CSMD3: variants seen among roughly 807,000 people sequenced by gnomAD.
CSMD3 encodes CUB and Sushi multiple domains 3.
Under a neutral mutation model 435.2 loss-of-function variants are expected in CSMD3, and 177 were observed. That is an observed-to-expected ratio of 0.41 (90% CI 0.36 to 0.46). The LOEUF is 0.46. Among genes scored for constraint, CSMD3 ranks in the 20% least tolerant of loss-of-function variants. The pLI, the probability that CSMD3 is intolerant of heterozygous loss-of-function variation, is 0.34. For synonymous variants in CSMD3, 1,656 were observed against 1,520.5 expected (o/e 1.09, Z -2.07); for missense variants, 4,265 against 4,504.6 (o/e 0.95, Z 1.52).
chr8:112,676,958 A>G (rs1425293642), intron 16 of CSMD3, among the ~76,000 whole-genome samples: 1 of 152,144 alleles, frequency 6.6e-6, no homozygotes, highest in East Asian at 1.9e-4. Flanking sequence ...CTGAGAATAT[A>G]TGTCAAAAAC....
chr8:112,393,034 T>C (rs1830574588), intron 35 of CSMD3, among the ~76,000 whole-genome samples: 1 of 151,836 alleles, frequency 6.6e-6, no homozygotes, highest in South Asian at 2.1e-4. Context: ...CCCAGCTAAT[T>C]TGTGTACAGA....
intron 32 of CSMD3, among the ~76,000 whole-genome samples, chr8:112,454,117 T>C (rs1816578266): frequency 1.3e-5 from 2 of 152,224 alleles, no homozygotes; most frequent in Non-Finnish European, 2.9e-5. Flanking sequence ...ATTAAAGATT[T>C]AAACGTAAGA....
chr8:112,579,890 C>A (rs559649091), intron 23 of CSMD3, among the ~76,000 whole-genome samples: 1 of 152,026 alleles, frequency 6.6e-6, no homozygotes, highest in Non-Finnish European at 1.5e-5. Flanking sequence ...ACTTTACTGG[C>A]TTTTCTCCAT....
chr8:112,939,743 G>C (rs148358925), intron 9 of CSMD3, among the ~76,000 whole-genome samples: 148 of 152,052 alleles, frequency 9.7e-4, no homozygotes, highest in African/African-American at 3.4e-3. Context: ...TCAGATTCTT[G>C]AAGAAAAAGT....
chr8:112,816,399 G>A (rs926651680), intron 12 of CSMD3, among the ~76,000 whole-genome samples: 1 of 151,930 alleles, frequency 6.6e-6, no homozygotes, highest in African/African-American at 2.4e-5. Context: ...ATAACACAAG[G>A]GGCTAAGAAT....
intron 13 of CSMD3, among the ~76,000 whole-genome samples, chr8:112,699,877 G>A (rs528252429): frequency 3.9e-5 from 6 of 152,262 alleles, no homozygotes; most frequent in Admixed American, 3.9e-4. Flanking sequence ...AACTCATCCA[G>A]ATTGAAGGAA....
intron 3 of CSMD3, among the ~76,000 whole-genome samples, chr8:113,199,840 G>A (rs2092699087): frequency 6.6e-6 from 1 of 151,718 alleles, no homozygotes; most frequent in South Asian, 2.1e-4. Context: ...CTTATTAAAG[G>A]TTAGGAAAAA....
In CSMD3 at chr8:112,306,001, A is replaced by T. The variant is rs778498471; in HGVS notation, c.8071+6T>A. The T allele has an allele frequency of 4.3e-6, 7 of 1,610,744 alleles. No homozygotes were observed. The highest frequency in any genetic ancestry group is 5.1e-6 in the Non-Finnish European group (6 of 1,177,014). On this transcript the variant is annotated splice_donor_region_variant and intron_variant, in intron 51 of 70. Transcript: ENST00000297405. The stretch of plus-strand genomic sequence containing the variant: ...ACAAGTGATGAAATTCCCTTGACAC[A>T]CATACCAACACAGCGAGGGGTCTTG...
intron 4 of CSMD3, among the ~76,000 whole-genome samples, chr8:113,150,070 T>C (rs1035698611): frequency 1.1e-4 from 16 of 151,936 alleles, no homozygotes; most frequent in African/African-American, 3.9e-4. Context: ...GTGGTGGCAC[T>C]GTAATAGGCA....
chr8:112,365,509 C>T (rs1313423391), intron 38 of CSMD3, among the ~76,000 whole-genome samples: 1 of 136,190 alleles, frequency 7.3e-6, no homozygotes. Flanking sequence ...TGGACTTCTA[C>T]CATCTTCTTA....
At chr8:112,922,214 T>A (rs2082765609) in intron 9 of CSMD3, among the ~76,000 whole-genome samples, 1 of 152,058 alleles carries the variant, frequency 6.6e-6, no homozygotes, top group South Asian at 2.1e-4. Flanking sequence ...AAGGTGTTTT[T>A]TTCTAAAAAT....
chr8:112,409,790 C>A (rs935669654), intron 32 of CSMD3, among the ~76,000 whole-genome samples: 1 of 151,716 alleles, frequency 6.6e-6, no homozygotes, highest in Non-Finnish European at 1.5e-5. Context: ...CAGAATTTAC[C>A]CAAACTAAAA....
At chr8:112,921,308 G>A (rs868780475) in intron 10 of CSMD3, among the ~76,000 whole-genome samples, 3 of 151,682 alleles carry the variant, frequency 2.0e-5, no homozygotes, top group Admixed American at 1.3e-4. Flanking sequence ...AAGAAATTAC[G>A]GCTTTAAAAT....
intron 38 of CSMD3, among the ~76,000 whole-genome samples, chr8:112,375,963 T>C (rs548492152): frequency 3.3e-5 from 5 of 152,234 alleles, no homozygotes; most frequent in African/African-American, 7.2e-5. Flanking sequence ...TGAAATAGTT[T>C]GAATTTTCCC....
intron 7 of CSMD3, among the ~76,000 whole-genome samples, chr8:112,956,443 G>T (rs1180624380): frequency 1.3e-5 from 2 of 151,878 alleles, no homozygotes; most frequent in Non-Finnish European, 2.9e-5. Context: ...GTATTTTCTG[G>T]CATAATTCTA....
At chr8:113,272,980 T>C (rs930157329) in intron 3 of CSMD3, among the ~76,000 whole-genome samples, 6 of 152,048 alleles carry the variant, frequency 3.9e-5, no homozygotes, top group African/African-American at 9.7e-5. Context: ...TTATTGTATA[T>C]AAATTCTAAA....
At chr8:112,873,586 T>G (rs1451957167) in intron 10 of CSMD3, among the ~76,000 whole-genome samples, 3 of 152,148 alleles carry the variant, frequency 2.0e-5, no homozygotes, top group African/African-American at 7.2e-5. Context: ...TGACAAGAAG[T>G]CAGCTTAAGG....
intron 52 of CSMD3, among the ~76,000 whole-genome samples, chr8:112,303,442 C>A (rs988268841): frequency 4.6e-5 from 7 of 152,084 alleles, no homozygotes; most frequent in Admixed American, 3.9e-4. Flanking sequence ...CACCTGCAAT[C>A]ACAGCTACTG....
intron 1 of CSMD3, among the ~76,000 whole-genome samples, chr8:113,328,469 T>C (rs1195893309): frequency 6.6e-6 from 1 of 151,328 alleles, no homozygotes; most frequent in Admixed American, 6.6e-5. Flanking sequence ...GAAAGATGTA[T>C]TGATTTGCTT....
Sources: allele counts gnomAD v4.1 joint callset (sites outside exome capture counted in the v4.1 genomes callset), GRCh38; gene constraint gnomAD v4.1.1; transcripts MANE v1.5; gene names NCBI Gene and HGNC (gene_info 2026-07-23, HGNC 2026-07-21).